The following FOCAD variants were observed in gnomAD, a reference collection of about 807,000 sequenced individuals.
FOCAD encodes the protein focadhesin.
A neutral mutation model predicts 225.6 loss-of-function variants in FOCAD; 198 were observed. That is an observed-to-expected ratio of 0.88 (90% CI 0.78 to 0.99). The LOEUF (loss-of-function observed/expected upper bound fraction) is 0.99, where lower values mean the gene tolerates loss of function less well. Ranked by LOEUF, FOCAD falls within the 50% of genes least tolerant of loss-of-function variation. The pLI, the probability that FOCAD is intolerant of heterozygous loss-of-function variation, is 0.00. For missense variants in FOCAD, 2,713 were observed against 2,123.6 expected, an observed-to-expected ratio of 1.28 and a Z score of -5.46; for synonymous variants, 897 against 755.0, an observed-to-expected ratio of 1.19 and a Z score of -3.08.
chr9:20,867,982 A>G (rs1829434180), intron 18 of FOCAD, among the ~76,000 whole-genome samples: 1 of 152,006 alleles, frequency 6.6e-6, no homozygotes, highest in African/African-American at 2.4e-5. Context: ...GCTGTTGTAA[A>G]ACCAATTCCT....
Position 20,789,345 on chromosome 9 carries a change from T to C in FOCAD, c.1198-6T>C, listed in dbSNP as rs368775220. 108 of 1,606,130 alleles carry C rather than the reference T, an allele frequency of 6.7e-5. No individual in the cohort carries two copies. Among genetic ancestry groups the C allele is most frequent in the Non-Finnish European group, 8.6e-5 (101 of 1,173,278 alleles). ...TATTTATGCCTCTCTTGTCTTTATT[T>C]TTCAGCTCTCCTACAAGCTTGTGTG... On this transcript the variant is annotated splice_polypyrimidine_tract_variant and splice_region_variant and intron_variant, in intron 10 of 43. Coordinates refer to ENST00000338382, the MANE Select transcript of FOCAD (RefSeq NM_001375567.1).
At chr9:20,676,218 T>C (rs1158316549) in intron 2 of FOCAD, among the ~76,000 whole-genome samples, 1 of 152,214 alleles carries the variant, frequency 6.6e-6, no homozygotes. Flanking sequence ...GAAGTTCCAA[T>C]GGTGAACTTC....
intron 4 of FOCAD, among the ~76,000 whole-genome samples, 176 bp downstream of exon 4, chr9:20,720,710 T>C (rs1276905726): frequency 6.6e-6 from 1 of 152,216 alleles, no homozygotes; most frequent in African/African-American, 2.4e-5. Flanking sequence ...AACCCTATAG[T>C]TTCAGAATTT....
Position 20,995,732 on chromosome 9 carries a change from C to A in FOCAD, c.*103C>A. The A allele has an allele frequency of 2.9e-6, 3 of 1,037,238 alleles. No individual in the cohort carries two copies. Among genetic ancestry groups the A allele is most frequent in the Admixed American group, 1.9e-5 (1 of 53,740 alleles). The allele number at this position is 1,037,238 out of a possible 1,614,324, so 64.3% of individuals were successfully genotyped here. A position where few individuals can be genotyped will look rare whatever the true frequency, so the allele number is the denominator to read the frequency against. The stretch of plus-strand genomic sequence containing the variant: ...TGCCTGGTATTGCTGAGACATGATG[C>A]AGAGAGTTAAGGGTCATGAAAAGAT... On this transcript the variant is annotated 3_prime_UTR_variant, in exon 44 of 44. Coordinates refer to ENST00000338382, the MANE Select transcript of FOCAD (RefSeq NM_001375567.1).
chr9:20,668,638 T>C (rs147077855), intron 2 of FOCAD, among the ~76,000 whole-genome samples: 275 of 152,348 alleles, frequency 1.8e-3, no homozygotes, highest in Non-Finnish European at 3.2e-3. Flanking sequence ...ATAGATCCAT[T>C]AGTCGTAATT....
At chr9:20,788,518 T>A (rs1414893655) in intron 10 of FOCAD, among the ~76,000 whole-genome samples, 6 of 152,202 alleles carry the variant, frequency 3.9e-5, no homozygotes, top group Admixed American at 3.9e-4. Flanking sequence ...AACTTTTACT[T>A]TCCATCCTTT....
At chr9:20,765,521 G>C (rs1020019922) in intron 7 of FOCAD, among the ~76,000 whole-genome samples, 3 of 152,232 alleles carry the variant, frequency 2.0e-5, no homozygotes, top group East Asian at 3.9e-4. Flanking sequence ...CTAGATTCCA[G>C]CTTCCACATG....
At chr9:20,749,104 A>G (rs937181944) in intron 5 of FOCAD, among the ~76,000 whole-genome samples, 7 of 151,962 alleles carry the variant, frequency 4.6e-5, no homozygotes, top group Admixed American at 4.6e-4. Flanking sequence ...TTTCCCCCCA[A>G]CCAATTACTT....
intron 35 of FOCAD, among the ~76,000 whole-genome samples, chr9:20,973,911 A>C (rs1234441568): frequency 2.8e-5 from 3 of 105,448 alleles, no homozygotes; most frequent in Admixed American, 2.7e-4. Context: ...CCCTACTTTC[A>C]GCATCTGTTC....
At chr9:20,753,554 C>T (rs55756514) in intron 5 of FOCAD, among the ~76,000 whole-genome samples, 37,444 of 151,100 alleles carry the variant, frequency 0.25, 5,148 homozygotes, top group East Asian at 0.49. Context: ...CTGCTGGATT[C>T]GGTTTGCCAG....
intron 21 of FOCAD, among the ~76,000 whole-genome samples, chr9:20,887,476 C>T (rs1306495624): frequency 2.0e-5 from 3 of 152,082 alleles, no homozygotes; most frequent in Admixed American, 6.5e-5. Context: ...CTCAGGTGAT[C>T]CACTTGCCTC....
At chr9:20,693,146 C>T in intron 1 of FOCAD, among the ~76,000 whole-genome samples, 1 of 152,328 alleles carries the variant, frequency 6.6e-6, no homozygotes, top group East Asian at 1.9e-4. Flanking sequence ...TTTGTTGCCT[C>T]TCCAACTCCA....
intron 5 of FOCAD, among the ~76,000 whole-genome samples, chr9:20,756,623 A>G (rs1829077447): frequency 6.6e-6 from 1 of 152,180 alleles, no homozygotes; most frequent in Non-Finnish European, 1.5e-5. Flanking sequence ...AATAGGAACC[A>G]CTGCTTTATA....
intron 39 of FOCAD, 103 bp downstream of exon 39, chr9:20,982,549 G>T: frequency 1.2e-6 from 1 of 862,394 alleles, no homozygotes; most frequent in Non-Finnish European, 1.9e-6. Context: ...CTTCATTTTT[G>T]TTATTGGTTA....
chr9:20,877,755 C>A (rs181545684), intron 19 of FOCAD, among the ~76,000 whole-genome samples: 1 of 152,110 alleles, frequency 6.6e-6, no homozygotes, highest in Admixed American at 6.6e-5. Context: ...ACCAAAAATA[C>A]AAAAATTAGC....
intron 19 of FOCAD, among the ~76,000 whole-genome samples, chr9:20,878,945 G>GC (rs1453361321): frequency 6.6e-6 from 1 of 152,140 alleles, no homozygotes; most frequent in Admixed American, 6.5e-5. Context: ...GCCTGTCCCA[G>GC]CTCTCATAGA....
chr9:20,985,390 G>T (rs1401505682), intron 39 of FOCAD, among the ~76,000 whole-genome samples: 14 of 152,132 alleles, frequency 9.2e-5, no homozygotes, highest in Admixed American at 9.2e-4. Flanking sequence ...GCTCATAGAA[G>T]CAGAAACAAA....
At chr9:20,937,645 A>G (rs1009275921) in intron 28 of FOCAD, among the ~76,000 whole-genome samples, 1 of 152,204 alleles carries the variant, frequency 6.6e-6, no homozygotes, top group East Asian at 1.9e-4. Flanking sequence ...AACCTAGACA[A>G]TACCATTCAG....
At chr9:20,886,564 G>C (rs1831117020) in intron 21 of FOCAD, among the ~76,000 whole-genome samples, 1 of 152,202 alleles carries the variant, frequency 6.6e-6, no homozygotes, top group Admixed American at 6.5e-5. Flanking sequence ...GAAGTTATGA[G>C]GTGTGTCCGA....
Sources: allele counts gnomAD v4.1 joint callset (sites outside exome capture counted in the v4.1 genomes callset), GRCh38; gene constraint gnomAD v4.1.1; transcripts MANE v1.5; gene names NCBI Gene and HGNC (gene_info 2026-07-23, HGNC 2026-07-21).